Variants in SPATA18 observed in about 807,000 individuals in gnomAD.
SPATA18 encodes spermatogenesis associated 18.
A neutral mutation model predicts 68.1 loss-of-function variants in SPATA18; 54 were observed. The ratio of observed to expected loss-of-function variants is 0.79; its 90% CI spans 0.64 to 0.99. The LOEUF (loss-of-function observed/expected upper bound fraction) is 0.99, where lower values mean the gene tolerates loss of function less well. SPATA18 is among the 50% of genes least tolerant of loss of function. The probability of loss-of-function intolerance (pLI) is 0.00; values close to 1 mark genes in which losing one functional copy is unlikely to be tolerated. For synonymous variants in SPATA18, 242 were observed against 244.8 expected, an observed-to-expected ratio of 0.99 and a Z score of 0.11; for missense variants, 724 against 681.1, an observed-to-expected ratio of 1.06 and a Z score of -0.70.
In SPATA18 at chr4:52,077,043, A is replaced by G. The variant is rs751523058; in HGVS notation, c.1020+3A>G. On this transcript the variant is annotated splice_donor_region_variant and intron_variant, in intron 7 of 12. Transcript: ENST00000295213. ...GGATCATCTACATCGCCACAGTGGT[A>G]TGTGACGCCTGCGGGACTCCCGGCT... 1.9e-6 allele frequency: 3 copies of G among 1,594,824 alleles called. No individual in the cohort carries two copies. The South Asian group carries it at 3.4e-5, about 18-fold the overall frequency.
intron 4 of SPATA18, among the ~76,000 whole-genome samples, chr4:52,064,525 G>T (rs887026527): frequency 6.6e-6 from 1 of 152,074 alleles, no homozygotes; most frequent in African/African-American, 2.4e-5. Flanking sequence ...GAACCATATG[G>T]TATTTGGTTT....
intron 5 of SPATA18, among the ~76,000 whole-genome samples, chr4:52,070,956 T>C (rs1001415850): frequency 6.6e-6 from 1 of 152,158 alleles, no homozygotes; most frequent in African/African-American, 2.4e-5. Flanking sequence ...CCAATGGTTC[T>C]GATTTGGTCA....
Position 52,077,514 on chromosome 4 carries a change from T to C in SPATA18, c.1020+474T>C, listed in dbSNP as rs531888749. 3.4e-4 allele frequency among the ~76,000 whole-genome samples: 51 copies of C among 152,012 alleles called. No homozygotes were observed. In the South Asian group the frequency reaches 5.6e-3, roughly 17 times the overall value. The stretch of plus-strand genomic sequence containing the variant: ...CTATTCATATATATATGAATAGTTA[T>C]ATAATATTTATTTATTTAGTTGGTT... On this transcript the variant is annotated intron_variant, in intron 7 of 12. Transcript: ENST00000295213.
intron 9 of SPATA18, among the ~76,000 whole-genome samples, chr4:52,080,518 G>T (rs1011259275): frequency 6.6e-6 from 1 of 152,074 alleles, no homozygotes; most frequent in African/African-American, 2.4e-5. Context: ...TTAAAACATT[G>T]TATTGTGATT....
At position 52,094,595 on chromosome 4, in the gene SPATA18, G is replaced by T. The variant is rs749449925; in HGVS notation, c.1609+23G>T. The T allele has an allele frequency of 1.9e-6, 3 of 1,612,326 alleles. No individual in the cohort carries two copies. The South Asian group carries it at 3.3e-5, about 18-fold the overall frequency. On this transcript the variant is annotated intron_variant, in intron 12 of 12. Transcript: ENST00000295213. The stretch of plus-strand genomic sequence containing the variant: ...CAAGTAAGTGGGATTAGTTCAGATG[G>T]ATCAAATTTTCTGCTTTTTAATACT...
Position 52,082,829 on chromosome 4 carries a change from T to G in SPATA18, c.1479+319T>G, listed in dbSNP as rs1158451730. On this transcript the variant is annotated intron_variant, in intron 10 of 12. Transcript: ENST00000295213. ...CCTTTGAAGTTATCTTGTAGGAGGA[T>G]TGCCATAATCCTAAGCACTTAAAAT... The G allele has an allele frequency of 6.1e-6, 6 of 985,134 alleles. No individual in the cohort carries two copies. The East Asian group carries it at 6.8e-4, about 112-fold the overall frequency. 61.0% of individuals were successfully genotyped at this position (985,134 alleles called of 1,614,324 possible).
At chr4:52,051,961 A>G (rs1737918316) in intron 1 of SPATA18, among the ~76,000 whole-genome samples, 170 bp downstream of exon 1, 1 of 152,302 alleles carries the variant, frequency 6.6e-6, no homozygotes, top group South Asian at 2.1e-4. Flanking sequence ...AAGGAAGGAC[A>G]TGTGTGTACA....
chr4:52,094,429 C>A, intron 11 of SPATA18, 98 bp from the exon 12 acceptor site: 1 of 1,108,834 alleles, frequency 9.0e-7, no homozygotes, highest in Non-Finnish European at 1.4e-6. Context: ...TCAGAGAAAG[C>A]TATTTGGTTG....
chr4:52,089,383 T>A (rs970214477), intron 11 of SPATA18, among the ~76,000 whole-genome samples: 1 of 152,246 alleles, frequency 6.6e-6, no homozygotes, highest in East Asian at 1.9e-4. Flanking sequence ...TGTTAGGGTG[T>A]CAATTTTAGA....
At chr4:52,081,684 G>A (rs982750101) in intron 9 of SPATA18, among the ~76,000 whole-genome samples, 2 of 151,926 alleles carry the variant, frequency 1.3e-5, no homozygotes, top group Non-Finnish European at 2.9e-5. Context: ...TTCTTGTACT[G>A]TGACTAAACC....
intron 12 of SPATA18, 91 bp from the exon 13 acceptor site, chr4:52,094,789 A>G (rs943396597): frequency 7.7e-6 from 12 of 1,548,654 alleles, no homozygotes; most frequent in Non-Finnish European, 8.9e-6. Context: ...ATTGCCATAA[A>G]CCTAGATTAA....
Position 52,095,294 on chromosome 4 carries a change from G to A in SPATA18, c.*407G>A, listed in dbSNP as rs992851899. 25 of 196,484 alleles carry A rather than the reference G, an allele frequency of 1.3e-4. No homozygotes were observed. The highest frequency in any genetic ancestry group is 3.3e-4 in the African/African-American group (14 of 42,610). The allele number at this position is 196,484 out of a possible 1,614,324, so 12.2% of individuals were successfully genotyped here. A position where few individuals can be genotyped will look rare whatever the true frequency, so the allele number is the denominator to read the frequency against. ...AATCATTTTAGTTTGCAGATGGATC[G>A]TAAATATAATTGTTGGTATCAGCTT... On this transcript the variant is annotated 3_prime_UTR_variant, in exon 13 of 13. Transcript: ENST00000295213.
intron 6 of SPATA18, among the ~76,000 whole-genome samples, chr4:52,074,205 G>A (rs776555120): frequency 5.9e-5 from 9 of 152,086 alleles, no homozygotes; most frequent in African/African-American, 9.7e-5. Context: ...TATTGTACCC[G>A]GAGTACAAAC....
intron 4 of SPATA18, among the ~76,000 whole-genome samples, chr4:52,065,542 T>C (rs893804557): frequency 3.3e-5 from 5 of 152,238 alleles, no homozygotes; most frequent in Non-Finnish European, 5.9e-5. Flanking sequence ...GTTTGTTGAA[T>C]AGGGTGTCCT....
intron 6 of SPATA18, among the ~76,000 whole-genome samples, chr4:52,075,854 T>G (rs1266439082): frequency 6.6e-6 from 1 of 152,240 alleles, no homozygotes; most frequent in Non-Finnish European, 1.5e-5. Flanking sequence ...AGCTTGACCA[T>G]ATGCGTGACC....
Position 52,061,515 on chromosome 4 carries a change from A to T in SPATA18, c.309+618A>T, listed in dbSNP as rs1738852920. Among the ~76,000 whole-genome samples, 3 of 150,390 alleles carry T rather than the reference A, an allele frequency of 2.0e-5. No individual in the cohort carries two copies. In the South Asian group the frequency reaches 6.3e-4, roughly 32 times the overall value. On this transcript the variant is annotated intron_variant, in intron 3 of 12. Coordinates refer to ENST00000295213, the MANE Select transcript of SPATA18 (RefSeq NM_145263.4). ...TAATAATAATAATAATAATAATAAT[A>T]ATAATAACAGAAAGAAAGCATTTAG...
At chr4:52,075,324 A>G (rs1042096078) in intron 6 of SPATA18, among the ~76,000 whole-genome samples, 3 of 152,158 alleles carry the variant, frequency 2.0e-5, no homozygotes, top group Non-Finnish European at 2.9e-5. Flanking sequence ...GAATGTGCCA[A>G]TGCTGTCACC....
chr4:52,078,673 T>C, intron 7 of SPATA18, 62 bp from the exon 8 acceptor site: 1 of 1,406,130 alleles, frequency 7.1e-7, no homozygotes, highest in African/African-American at 1.4e-5. Context: ...TCTAATTCCT[T>C]GTTTTGGATC....
chr4:52,061,063 A>G (rs784944), intron 3 of SPATA18, among the ~76,000 whole-genome samples, 166 bp downstream of exon 3: 88,743 of 152,134 alleles, frequency 0.58, 29,577 homozygotes, highest in Middle Eastern at 0.77. Context: ...TTGAACAGGT[A>G]GAGATCAGAC....
Sources: gnomAD v4.1 joint callset for allele counts (sites outside exome capture counted in the v4.1 genomes callset) on GRCh38, gnomAD v4.1.1 for gene constraint, MANE v1.5 for transcripts, NCBI Gene and HGNC (gene_info 2026-07-23, HGNC 2026-07-21) for gene names.